Variants in PCLO observed in about 807,000 individuals in gnomAD.
PCLO encodes piccolo presynaptic cytomatrix protein.
In PCLO, 82 loss-of-function variants were observed where a neutral mutation model predicts 427.5. The observed-to-expected ratio is 0.19, with a 90% CI of 0.16 to 0.23. The LOEUF (loss-of-function observed/expected upper bound fraction) is 0.23. Ranked by LOEUF, PCLO falls within the 10% of genes least tolerant of loss-of-function variation. PCLO has a pLI of 1.00. For missense variants in PCLO, 6,239 were observed against 6,115.9 expected, an observed-to-expected ratio of 1.02 and a Z score of -0.67; for synonymous variants, 2,357 against 2,155.4, an observed-to-expected ratio of 1.09 and a Z score of -2.59.
rs955881884 is a variant in PCLO at position 82,908,807 on chromosome 7, A to G, written c.13437+70T>C. ...ACATCTCATTCCTTTTAGGACAATT[A>G]AGACCATTCTAGGGTAGACTTGAGT... On this transcript the variant is annotated intron_variant, in intron 8 of 24. Transcript: ENST00000333891. 3 of 1,315,460 alleles carry G rather than the reference A, an allele frequency of 2.3e-6. No homozygotes were observed. The African/African-American group carries it at 4.5e-5, about 20-fold the overall frequency. The allele number at this position is 1,315,460 out of a possible 1,614,324, so 81.5% of individuals were successfully genotyped here. A position where few individuals can be genotyped will look rare whatever the true frequency, so the allele number is the denominator to read the frequency against.
chr7:83,043,578 T>A (rs1196477278), intron 3 of PCLO, among the ~76,000 whole-genome samples: 1 of 152,190 alleles, frequency 6.6e-6, no homozygotes, highest in African/African-American at 2.4e-5. Flanking sequence ...CTTACATAAG[T>A]GTGGAAGTGG....
intron 20 of PCLO, among the ~76,000 whole-genome samples, chr7:82,810,326 A>G (rs1432166616): frequency 2.0e-5 from 3 of 151,772 alleles, no homozygotes; most frequent in Non-Finnish European, 4.4e-5. Flanking sequence ...ACACCTGTGT[A>G]TTACATATGA....
chr7:82,950,442 A>C lies in PCLO; in HGVS notation c.10146T>G (p.Thr3382=), dbSNP rs111241048. ...GGATACCAGGTGGGGCAATGTACTG[A>C]GTAACACCATCAGACTGAACGGTGT... is the stretch of plus-strand genomic sequence containing the variant. ...GWYTVQSDGV[T]QYIAPPGILS... is the part of the protein sequence containing the mutation. The change falls in exon 6 of 25, where the codon ACT becomes ACG. Residue 3382 remains threonine (T), a synonymous_variant. Coordinates refer to ENST00000333891, the MANE Select transcript of PCLO (RefSeq NM_033026.6). 7.4e-4 allele frequency: 1,198 copies of C among 1,613,690 alleles called. 4 individuals are homozygous for C. In the African/African-American group the frequency reaches 0.013, roughly 18 times the overall value.
intron 9 of PCLO, among the ~76,000 whole-genome samples, chr7:82,902,019 G>A (rs1167255670): frequency 4.0e-5 from 6 of 151,700 alleles, no homozygotes; most frequent in East Asian, 2.0e-4. Flanking sequence ...TCAGTGTGGC[G>A]ATTCCTCAGG....
At chr7:82,887,941 G>C (rs62461405) in intron 9 of PCLO, among the ~76,000 whole-genome samples, 1 of 152,026 alleles carries the variant, frequency 6.6e-6, no homozygotes, top group East Asian at 1.9e-4. Flanking sequence ...GTGGTGGCAG[G>C]CACCTGTAAT....
intron 10 of PCLO, among the ~76,000 whole-genome samples, chr7:82,860,538 G>C (rs1317279078): frequency 6.6e-6 from 1 of 152,072 alleles, no homozygotes; most frequent in African/African-American, 2.4e-5. Context: ...TACCAGAGCT[G>C]TCCTACAAGA....
chr7:82,933,993 C>G (rs188401347), intron 6 of PCLO, among the ~76,000 whole-genome samples: 5,772 of 151,874 alleles, frequency 0.038, 179 homozygotes, highest in East Asian at 0.13. Flanking sequence ...ATATGTTTAC[C>G]TCACTTGCCA....
At chr7:83,000,009 A>C (rs967622869) in intron 3 of PCLO, among the ~76,000 whole-genome samples, 8 of 142,676 alleles carry the variant, frequency 5.6e-5, no homozygotes, top group African/African-American at 2.1e-4. Context: ...GATCCAGGAA[A>C]CTCTGAGAAC....
intron 10 of PCLO, among the ~76,000 whole-genome samples, chr7:82,870,505 A>T (rs1006822449): frequency 1.3e-5 from 2 of 152,012 alleles, no homozygotes; most frequent in Non-Finnish European, 2.9e-5. Flanking sequence ...ACATTAAAAG[A>T]ATACTCCAGG....
intron 1 of PCLO, among the ~76,000 whole-genome samples, chr7:83,157,410 A>C (rs565840262): frequency 6.6e-6 from 1 of 152,160 alleles, no homozygotes; most frequent in African/African-American, 2.4e-5. Flanking sequence ...CTATCTCTTA[A>C]TGCCATTGAT....
chr7:83,063,701 G>C (rs759876504), intron 3 of PCLO, among the ~76,000 whole-genome samples: 2 of 152,036 alleles, frequency 1.3e-5, no homozygotes, highest in Non-Finnish European at 2.9e-5. Context: ...TAGGGGAAGA[G>C]GCTCTGTATA....
intron 3 of PCLO, among the ~76,000 whole-genome samples, chr7:83,108,341 T>C (rs75991490): frequency 0.018 from 2,741 of 152,246 alleles, 89 homozygotes; most frequent in African/African-American, 0.063. Context: ...AGATAGCATC[T>C]ATCTACCTAC....
intron 3 of PCLO, 82 bp from the exon 4 acceptor site, chr7:82,966,569 G>A (rs62458570): frequency 0.041 from 34,011 of 831,848 alleles, 799 homozygotes; most frequent in South Asian, 0.054. Context: ...TGAAAATTTG[G>A]CAATTCCTAT....
intron 10 of PCLO, among the ~76,000 whole-genome samples, chr7:82,850,375 G>A (rs1378358124): frequency 6.6e-6 from 1 of 151,958 alleles, no homozygotes; most frequent in East Asian, 1.9e-4. Flanking sequence ...ATCGATGATA[G>A]GATTTGTTGC....
chr7:82,849,762 A>C (rs1444386169), intron 10 of PCLO, among the ~76,000 whole-genome samples: 2 of 152,120 alleles, frequency 1.3e-5, no homozygotes, highest in Non-Finnish European at 2.9e-5. Context: ...GATGTTCAAT[A>C]ATGTATCTTG....
At chr7:82,908,214 A>G (rs933449229) in intron 8 of PCLO, among the ~76,000 whole-genome samples, 4 of 152,040 alleles carry the variant, frequency 2.6e-5, no homozygotes, top group Non-Finnish European at 5.9e-5. Context: ...TCAAAATTCA[A>G]TTCAAACATC....
At chr7:82,855,364 C>T (rs1452713056) in intron 10 of PCLO, among the ~76,000 whole-genome samples, 1 of 152,060 alleles carries the variant, frequency 6.6e-6, no homozygotes, top group Non-Finnish European at 1.5e-5. Flanking sequence ...TGAACCCCAA[C>T]CATCTCCTAG....
At chr7:82,930,989 AG>A (rs1247764158) in intron 6 of PCLO, among the ~76,000 whole-genome samples, 1 of 152,184 alleles carries the variant, frequency 6.6e-6, no homozygotes, top group Non-Finnish European at 1.5e-5. Context: ...ATGGGAACAG[AG>A]ATAAAAGAAA....
At chr7:83,142,470 T>C (rs1279911328) in intron 2 of PCLO, among the ~76,000 whole-genome samples, 1 of 152,240 alleles carries the variant, frequency 6.6e-6, no homozygotes, top group Admixed American at 6.5e-5. Context: ...ATGTAAATGC[T>C]ATCCATCTTT....
Sources: allele counts gnomAD v4.1 joint callset (sites outside exome capture counted in the v4.1 genomes callset), GRCh38; gene constraint gnomAD v4.1.1; transcripts MANE v1.5; gene names NCBI Gene and HGNC (gene_info 2026-07-23, HGNC 2026-07-21).